PTTG1IP2: variants seen among roughly 807,000 people sequenced by gnomAD.
The protein encoded by PTTG1IP2 is PTTG1IP family member 2.
intron 6 of PTTG1IP2, among the ~76,000 whole-genome samples, chr7:90,501,876 G>A (rs1296560015): frequency 6.6e-6 from 1 of 152,150 alleles, no homozygotes; most frequent in African/African-American, 2.4e-5. Context: ...TTTCTTTGCA[G>A]CATGTGATGC....
At chr7:90,485,773 G>C (rs1797867530) in intron 2 of PTTG1IP2, among the ~76,000 whole-genome samples, 1 of 152,166 alleles carries the variant, frequency 6.6e-6, no homozygotes, top group Admixed American at 6.5e-5. Context: ...CTGGGAATCA[G>C]CTTAGCACTT....
At chr7:90,503,536 C>CA (rs1162649938) in intron 6 of PTTG1IP2, among the ~76,000 whole-genome samples, 1 of 152,194 alleles carries the variant, frequency 6.6e-6, no homozygotes, top group African/African-American at 2.4e-5. Context: ...GAGAGATGTG[C>CA]AACTCTTCCT....
At chr7:90,508,989 C>T (rs568272561) in intron 6 of PTTG1IP2, among the ~76,000 whole-genome samples, 1 of 152,272 alleles carries the variant, frequency 6.6e-6, no homozygotes, top group South Asian at 2.1e-4. Context: ...TCAATCATGA[C>T]TCTGTGATGA....
chr7:90,488,304 TC>T (rs1562986289), intron 3 of PTTG1IP2, among the ~76,000 whole-genome samples: 1 of 128,794 alleles, frequency 7.8e-6, no homozygotes, highest in Admixed American at 7.6e-5. Flanking sequence ...AAGTTACACT[TC>T]TTGTAACTAG....
rs17869584 is a variant in PTTG1IP2 at position 90,512,436 on chromosome 7, G to A, written c.*51-842G>A. ...AAGACAAAAATAGAATAAGGAGTCA[G>A]CTAGAAGACAAGTGGGAGAAGGGAC... On this transcript the variant is annotated intron_variant, in intron 6 of 6. Coordinates refer to ENST00000509356, the MANE Select transcript of PTTG1IP2 (RefSeq NM_001365443.2). Among the ~76,000 whole-genome samples, 40 of 152,278 alleles carry A rather than the reference G, an allele frequency of 2.6e-4. No individual in the cohort carries two copies. The East Asian group carries it at 6.9e-3, about 26-fold the overall frequency.
At chr7:90,512,987 T>C (rs1233765346) in intron 6 of PTTG1IP2, among the ~76,000 whole-genome samples, 1 of 152,240 alleles carries the variant, frequency 6.6e-6, no homozygotes, top group Non-Finnish European at 1.5e-5. Context: ...AATGAGATCC[T>C]TCATGAACAT....
intron 1 of PTTG1IP2, among the ~76,000 whole-genome samples, chr7:90,471,778 A>G (rs1186766001): frequency 6.6e-6 from 1 of 152,200 alleles, no homozygotes; most frequent in Non-Finnish European, 1.5e-5. Context: ...GAAGATGAGA[A>G]GAGGAAATGG....
chr7:90,495,460 G>T (rs1350788182), intron 6 of PTTG1IP2, among the ~76,000 whole-genome samples: 2 of 152,214 alleles, frequency 1.3e-5, no homozygotes, highest in East Asian at 3.9e-4. Flanking sequence ...ATTTGGCTTT[G>T]TGTGTGTATG....
intron 6 of PTTG1IP2, among the ~76,000 whole-genome samples, chr7:90,507,232 G>A (rs1053224864): frequency 1.3e-5 from 2 of 152,182 alleles, no homozygotes; most frequent in South Asian, 2.1e-4. Context: ...TCTGTGAAAA[G>A]CTATCTAAAT....
intron 6 of PTTG1IP2, among the ~76,000 whole-genome samples, chr7:90,509,193 A>T (rs1182668009): frequency 8.0e-6 from 1 of 125,010 alleles, no homozygotes; most frequent in South Asian, 2.6e-4. Context: ...TATTGGGGGG[A>T]TGGGGAAGTG....
intron 4 of PTTG1IP2, among the ~76,000 whole-genome samples, chr7:90,489,342 CA>C (rs1797912901): frequency 6.6e-6 from 1 of 151,630 alleles, no homozygotes; most frequent in Non-Finnish European, 1.5e-5. Context: ...GCACTATACA[CA>C]TTTTTTTTGC....
chr7:90,488,275 AT>A (rs1488292382), intron 3 of PTTG1IP2, among the ~76,000 whole-genome samples: 1 of 151,944 alleles, frequency 6.6e-6, no homozygotes, highest in African/African-American at 2.4e-5. Context: ...TAAATCATGC[AT>A]GTTTTTGCCT....
chr7:90,488,805 G>T (rs1797906026), intron 3 of PTTG1IP2, 66 bp from the exon 4 acceptor site: 1 of 151,900 alleles, frequency 6.6e-6, no homozygotes, highest in Non-Finnish European at 1.5e-5. Flanking sequence ...TATTAGAAAA[G>T]ATGCAAATAG....
In PTTG1IP2 at chr7:90,490,234, A is replaced by G. The variant is rs146140558; in HGVS notation, c.380+1270A>G. Among the ~76,000 whole-genome samples, 10 of 152,126 alleles carry G rather than the reference A, an allele frequency of 6.6e-5. No individual in the cohort carries two copies. In the East Asian group the frequency reaches 1.9e-3, roughly 29 times the overall value. ...GGTTTGGAGAGTATTTGCATAGTCC[A>G]TTACATATCAACAAATTAGTTTTTT... is the stretch of plus-strand genomic sequence containing the variant. On this transcript the variant is annotated intron_variant, in intron 4 of 6. Transcript: ENST00000509356.
intron 6 of PTTG1IP2, among the ~76,000 whole-genome samples, chr7:90,498,447 A>G (rs1217334086): frequency 1.3e-5 from 2 of 152,230 alleles, no homozygotes; most frequent in Admixed American, 1.3e-4. Context: ...TTAAGGACAC[A>G]CATAAACTGA....
intron 6 of PTTG1IP2, among the ~76,000 whole-genome samples, chr7:90,510,580 T>A (rs143788370): frequency 4.6e-5 from 7 of 152,318 alleles, no homozygotes; most frequent in Non-Finnish European, 8.8e-5. Flanking sequence ...TTTGGGACTT[T>A]GGATAAATAT....
intron 1 of PTTG1IP2, among the ~76,000 whole-genome samples, chr7:90,476,476 A>T (rs948078472): frequency 3.1e-4 from 47 of 152,140 alleles, no homozygotes; most frequent in African/African-American, 1.1e-3. Flanking sequence ...TGATAGAAAG[A>T]TGCATATAAA....
chr7:90,472,616 TGG>T (rs1797704912), intron 1 of PTTG1IP2, among the ~76,000 whole-genome samples: 1 of 152,194 alleles, frequency 6.6e-6, no homozygotes, highest in Admixed American at 6.5e-5. Flanking sequence ...CTTATTGTGG[TGG>T]GCTCTGGTAG....
chr7:90,489,739 C>G (rs1178710802), intron 4 of PTTG1IP2, among the ~76,000 whole-genome samples: 1 of 151,734 alleles, frequency 6.6e-6, no homozygotes, highest in Non-Finnish European at 1.5e-5. Flanking sequence ...TAATAAAGAA[C>G]CAAAGTGGAG....
Sources: allele counts gnomAD v4.1 joint callset (sites outside exome capture counted in the v4.1 genomes callset), GRCh38; gene constraint gnomAD v4.1.1; transcripts MANE v1.5; gene names NCBI Gene and HGNC (gene_info 2026-07-23, HGNC 2026-07-21).